ANKRD36C: variants seen among roughly 807,000 people sequenced by gnomAD.
The protein encoded by ANKRD36C is ankyrin repeat domain 36C.
Under a neutral mutation model 276.4 loss-of-function variants are expected in ANKRD36C, and 61 were observed. That is an observed-to-expected ratio of 0.22 (90% CI 0.18 to 0.27). ANKRD36C has a LOEUF of 0.27. Ranked by LOEUF, ANKRD36C falls within the 10% of genes least tolerant of loss-of-function variation. The pLI is 1.00. For missense variants in ANKRD36C, 1,447 were observed against 2,032.3 expected (o/e 0.71, Z 5.54); for synonymous variants, 483 against 680.1 (o/e 0.71, Z 4.51).
chr2:95,938,919 C>T lies in ANKRD36C; in HGVS notation c.1561-18G>A. On this transcript the variant is annotated intron_variant, in intron 21 of 66. Coordinates refer to ENST00000456556, the Ensembl canonical transcript of ANKRD36C. The stretch of plus-strand genomic sequence containing the variant: ...ACCGTATGCTGAATGGGTTTGACAA[C>T]ATAATGATTAACATATCATGTATAT... 1 of 1,537,572 alleles carries T rather than the reference C, an allele frequency of 6.5e-7. No individual in the cohort carries two copies. Among genetic ancestry groups the T allele is most frequent in the Non-Finnish European group, 8.7e-7 (1 of 1,146,838 alleles).
At chr2:95,938,630 G>A (rs1677784776) in intron 22 of ANKRD36C, among the ~76,000 whole-genome samples, 199 bp downstream of exon 22, 1 of 152,302 alleles carries the variant, frequency 6.6e-6, no homozygotes, top group Non-Finnish European at 1.5e-5. Flanking sequence ...AAAGCATTTG[G>A]GCTAGAGCTC....
intron 4 of ANKRD36C, among the ~76,000 whole-genome samples, chr2:95,981,705 A>T (rs867095741): frequency 6.6e-6 from 1 of 151,792 alleles, no homozygotes; most frequent in African/African-American, 2.4e-5. Context: ...CTTGGTGATA[A>T]GTAATGTTAC....
At chr2:95,972,403 C>G (rs549048310) in intron 6 of ANKRD36C, among the ~76,000 whole-genome samples, 99 of 152,266 alleles carry the variant, frequency 6.5e-4, no homozygotes, top group Admixed American at 6.3e-3. Context: ...TGTCAAAATT[C>G]GAAGCTACAG....
intron 30 of ANKRD36C, among the ~76,000 whole-genome samples, chr2:95,924,212 C>G (rs142553504): frequency 0.024 from 3,577 of 151,704 alleles, 142 homozygotes; most frequent in African/African-American, 0.083. Flanking sequence ...AATTGATCAG[C>G]TTGGATATAT....
intron 6 of ANKRD36C, among the ~76,000 whole-genome samples, chr2:95,973,403 C>T (rs1220462306): frequency 1.3e-5 from 2 of 151,750 alleles, no homozygotes; most frequent in Admixed American, 1.3e-4. Context: ...CAGAGCGAGA[C>T]TCAGTCTCAA....
At chr2:95,883,452 T>C (rs1478660009) in intron 54 of ANKRD36C, among the ~76,000 whole-genome samples, 1 of 152,128 alleles carries the variant, frequency 6.6e-6, no homozygotes, top group African/African-American at 2.4e-5. Context: ...TATATGTATA[T>C]TCATGTTTAT....
chr2:95,933,852 C>CA (rs1310209864), intron 24 of ANKRD36C, among the ~76,000 whole-genome samples: 1 of 152,306 alleles, frequency 6.6e-6, no homozygotes, highest in African/African-American at 2.4e-5. Context: ...AAAATGTTCG[C>CA]AATCTCTCCA....
rs200417262 is a variant in ANKRD36C, at chr2:95,974,121, TC to T, written c.799+4000del. ...TGTGGTAATCCAACTGACCAAATATTCCAGCTAAGTAACAGATTACCAATAT... is the reference window on the plus strand; with the variant it reads ...TGTGGTAATCCAACTGACCAAATATTCAGCTAAGTAACAGATTACCAATAT... On this transcript the variant is annotated intron_variant, in intron 6 of 66. Transcript: ENST00000456556. Among the ~76,000 whole-genome samples, 1,298 of 152,142 alleles carry T rather than the reference TC, an allele frequency of 8.5e-3. 42 individuals carry two copies. The East Asian group carries it at 0.17, about 19-fold the overall frequency.
downstream of ANKRD36C, among the ~76,000 whole-genome samples, chr2:95,850,395 ATAC>A (rs1675268703): frequency 6.6e-6 from 1 of 151,978 alleles, no homozygotes; most frequent in Non-Finnish European, 1.5e-5. Flanking sequence ...CATAGAAGGG[ATAC>A]TAGCCCAGGT....
Position 95,919,264 on chromosome 2 carries a change from T to G in ANKRD36C, c.2246-1222A>C, listed in dbSNP as rs1386135738. On this transcript the variant is annotated intron_variant, in intron 34 of 66. Coordinates refer to ENST00000456556, the Ensembl canonical transcript of ANKRD36C. ...TCCCTCCTTCCTGCCTGACAATCCA[T>G]CATCCTTGGGAAAATAATTGCTACA... is the stretch of plus-strand genomic sequence containing the variant. 1.5e-5 allele frequency among the ~76,000 whole-genome samples: 2 copies of G among 133,676 alleles called. 1 individual carries two copies. Among genetic ancestry groups the G allele is most frequent in the East Asian group, 5.4e-4 (2 of 3,694 alleles). 87.7% of individuals were successfully genotyped at this position (133,676 alleles called of 152,430 possible).
intron 6 of ANKRD36C, among the ~76,000 whole-genome samples, chr2:95,965,956 T>C (rs997537069): frequency 2.0e-5 from 3 of 152,022 alleles, no homozygotes; most frequent in Non-Finnish European, 4.4e-5. Context: ...TTTTCTTTTT[T>C]AAAAAAAATT....
At chr2:95,924,216 G>T (rs1261178641) in intron 30 of ANKRD36C, among the ~76,000 whole-genome samples, 1 of 151,572 alleles carries the variant, frequency 6.6e-6, no homozygotes, top group Non-Finnish European at 1.5e-5. Flanking sequence ...GATCAGCTTG[G>T]ATATATGGTT....
chr2:95,902,802 C>G, intron 42 of ANKRD36C, 84 bp downstream of exon 54: 4 of 1,429,832 alleles, frequency 2.8e-6, no homozygotes, highest in Non-Finnish European at 3.8e-6. Context: ...GCAGCTTCAA[C>G]GAGCCCCCCG....
intron 42 of ANKRD36C, 101 bp from the exon 47 acceptor site, chr2:95,908,798 A>G: frequency 1.3e-6 from 2 of 1,517,682 alleles, no homozygotes; most frequent in Admixed American, 4.0e-5. Flanking sequence ...TCCTGCCTGT[A>G]TTAGCGTAGG....
chr2:95,860,587 A>C (rs1208615993), intron 60 of ANKRD36C, among the ~76,000 whole-genome samples: 2 of 152,226 alleles, frequency 1.3e-5, no homozygotes, highest in East Asian at 1.9e-4. Context: ...AAAACAGACA[A>C]AATACATTAA....
At chr2:95,926,160 T>C (rs753583720) in intron 28 of ANKRD36C, among the ~76,000 whole-genome samples, 1 of 151,656 alleles carries the variant, frequency 6.6e-6, no homozygotes, top group Non-Finnish European at 1.5e-5. Flanking sequence ...CCTACATTTG[T>C]TGTGTCCTCT....
intron 24 of ANKRD36C, among the ~76,000 whole-genome samples, chr2:95,934,146 T>C (rs1256454779): frequency 3.9e-5 from 6 of 152,124 alleles, no homozygotes; most frequent in Non-Finnish European, 7.4e-5. Flanking sequence ...CGCTTTTATA[T>C]TGTTGGTGGG....
intron 17 of ANKRD36C, among the ~76,000 whole-genome samples, chr2:95,947,025 G>A (rs550694978): frequency 6.6e-6 from 1 of 151,648 alleles, no homozygotes; most frequent in Admixed American, 6.6e-5. Flanking sequence ...AAAACTTAAA[G>A]TATAATAATA....
chr2:95,858,414 T>C (rs1675476769), intron 61 of ANKRD36C, among the ~76,000 whole-genome samples: 1 of 152,214 alleles, frequency 6.6e-6, no homozygotes, highest in South Asian at 2.1e-4. Flanking sequence ...ATGTATAAGT[T>C]GAAATGTATT....
Sources: gnomAD v4.1 joint callset for allele counts (sites outside exome capture counted in the v4.1 genomes callset) on GRCh38, gnomAD v4.1.1 for gene constraint, MANE v1.5 for transcripts, NCBI Gene and HGNC (gene_info 2026-07-23, HGNC 2026-07-21) for gene names.